THADA: variants seen among roughly 807,000 people sequenced by gnomAD.
The protein encoded by THADA is tRNA (32-2'-O)-methyltransferase regulator THADA.
In THADA, 213 loss-of-function variants were observed where a neutral mutation model predicts 219.8. That is an observed-to-expected ratio of 0.97 (90% CI 0.87 to 1.09). The LOEUF is 1.09. Ranked by LOEUF, THADA falls within the 50% of genes least tolerant of loss-of-function variation. THADA has a pLI of 0.00. For synonymous variants in THADA, 1,018 were observed against 828.9 expected, an observed-to-expected ratio of 1.23 and a Z score of -3.92; for missense variants, 2,956 against 2,311.3, an observed-to-expected ratio of 1.28 and a Z score of -5.72.
intron 20 of THADA, among the ~76,000 whole-genome samples, 179 bp from the exon 21 acceptor site, chr2:43,541,495 ATCAT>A (rs1429598298): frequency 6.6e-6 from 1 of 152,094 alleles, no homozygotes; most frequent in Non-Finnish European, 1.5e-5. Context: ...ATGAGAAGAA[ATCAT>A]GCTAAGTTTT....
At chr2:43,534,549 G>A (rs1323462048) in intron 21 of THADA, among the ~76,000 whole-genome samples, 2 of 152,064 alleles carry the variant, frequency 1.3e-5, no homozygotes, top group African/African-American at 4.8e-5. Context: ...ACTTCCACAT[G>A]TGTGAGAACA....
rs374109478 is a variant in THADA, at chr2:43,590,947, G to C, written c.179C>G (p.Pro60Arg). The C allele has an allele frequency of 9.4e-5, 151 of 1,611,892 alleles. No individual in the cohort carries two copies. The highest frequency in any genetic ancestry group is 1.7e-4 in the Middle Eastern group (1 of 6,048). The change falls in exon 4 of 38, where the codon CCT becomes CGT. Residue 60 changes from proline to arginine, a missense_variant. Transcript: ENST00000405975. ...SQIHYIKQIV[P>R]LLEKADKNGM... Reference sequence around the variant, plus strand: ...ATTTTTATCTGCTTTCTCCAGCAGAGGCACAATCTATAATACAAAACATTG... The same window carrying C: ...ATTTTTATCTGCTTTCTCCAGCAGACGCACAATCTATAATACAAAACATTG...
At chr2:43,525,713 C>A (rs1349580930) in intron 22 of THADA, among the ~76,000 whole-genome samples, 1 of 152,204 alleles carries the variant, frequency 6.6e-6, no homozygotes, top group Non-Finnish European at 1.5e-5. Flanking sequence ...AATCACCCAG[C>A]TGAGCCCTGC....
intron 36 of THADA, among the ~76,000 whole-genome samples, chr2:43,250,460 A>G (rs933499450): frequency 1.3e-5 from 2 of 152,058 alleles, no homozygotes; most frequent in Admixed American, 1.3e-4. Flanking sequence ...TTCTGGAACT[A>G]GATAGTGGTA....
intron 25 of THADA, among the ~76,000 whole-genome samples, chr2:43,495,944 T>C (rs1222506798): frequency 2.0e-5 from 3 of 152,176 alleles, no homozygotes; most frequent in African/African-American, 7.2e-5. Flanking sequence ...ATTCCAGAAG[T>C]GTGTATCTCT....
rs1393243742 is a variant in THADA at position 43,554,554 on chromosome 2, G to A, written c.2674+1791C>T. On this transcript the variant is annotated intron_variant, in intron 17 of 37. Transcript: ENST00000405975. The stretch of plus-strand genomic sequence containing the variant: ...GGAAAAGTAAATGGCTTGTAAACAT[G>A]GGAAAAAATAATTGTATTAGTAATC... Among the ~76,000 whole-genome samples, 5 of 152,134 alleles carry A rather than the reference G, an allele frequency of 3.3e-5. No individual in the cohort carries two copies. The East Asian group carries it at 9.6e-4, about 29-fold the overall frequency.
intron 30 of THADA, among the ~76,000 whole-genome samples, chr2:43,338,583 G>A (rs765933888): frequency 5.9e-5 from 9 of 152,114 alleles, no homozygotes; most frequent in Non-Finnish European, 8.8e-5. Flanking sequence ...ACTACTCTAT[G>A]TACTTTGTAT....
chr2:43,405,027 C>T (rs955236495), intron 28 of THADA, among the ~76,000 whole-genome samples: 2 of 152,216 alleles, frequency 1.3e-5, no homozygotes, highest in African/African-American at 4.8e-5. Context: ...GAAACAGAGC[C>T]TGGCCTGTAC....
chr2:43,573,888 G>C lies in THADA; in HGVS notation c.1729+448C>G, dbSNP rs12614023. On this transcript the variant is annotated intron_variant, in intron 11 of 37. Coordinates refer to ENST00000405975, the MANE Select transcript of THADA (RefSeq NM_022065.5). ...AAATAACTATAGATGGCTATTTCTT[G>C]AGATCATGCCTCTGAATTTTGTCAC... Among the ~76,000 whole-genome samples, 6 of 152,020 alleles carry C rather than the reference G, an allele frequency of 3.9e-5. No homozygotes were observed. The East Asian group carries it at 1.2e-3, about 29-fold the overall frequency.
intron 19 of THADA, 95 bp from the exon 20 acceptor site, chr2:43,549,463 A>C: frequency 8.1e-7 from 1 of 1,242,218 alleles, no homozygotes; most frequent in Non-Finnish European, 1.1e-6. Context: ...ATAATTTTCA[A>C]TACTTAATAA....
At chr2:43,239,731 T>C (rs1422049971) in intron 36 of THADA, among the ~76,000 whole-genome samples, 4 of 152,194 alleles carry the variant, frequency 2.6e-5, no homozygotes, top group Admixed American at 1.3e-4. Context: ...CAAATGGCAA[T>C]GGGTTGAATT....
chr2:43,531,174 A>AT (rs1693817846), intron 21 of THADA, among the ~76,000 whole-genome samples: 1 of 152,246 alleles, frequency 6.6e-6, no homozygotes, highest in Admixed American at 6.5e-5. Flanking sequence ...CATTAGAAGC[A>AT]TAAGTTCCAA....
At chr2:43,578,480 T>G in intron 9 of THADA, 33 bp downstream of exon 9, 1 of 1,535,222 alleles carries the variant, frequency 6.5e-7, no homozygotes, top group African/African-American at 1.4e-5. Flanking sequence ...TAACTCTCAA[T>G]AAAGTACAAT....
chr2:43,456,168 ATTG>A (rs1172160008), intron 26 of THADA, among the ~76,000 whole-genome samples: 1 of 152,224 alleles, frequency 6.6e-6, no homozygotes, highest in Non-Finnish European at 1.5e-5. Flanking sequence ...AAAACTCATC[ATTG>A]TTAAGGCAAA....
intron 19 of THADA, among the ~76,000 whole-genome samples, chr2:43,550,027 C>G (rs1335435831): frequency 6.6e-6 from 1 of 152,148 alleles, no homozygotes; most frequent in Admixed American, 6.5e-5. Context: ...CATTAAGTTT[C>G]ATTTTTATTC....
intron 12 of THADA, among the ~76,000 whole-genome samples, chr2:43,572,168 C>A (rs1699372194): frequency 6.6e-6 from 1 of 152,148 alleles, no homozygotes; most frequent in Non-Finnish European, 1.5e-5. Flanking sequence ...TCACCTCACT[C>A]TTAAATTACT....
chr2:43,575,133 C>A, intron 10 of THADA, 106 bp from the exon 11 acceptor site: 1 of 853,200 alleles, frequency 1.2e-6, no homozygotes, highest in South Asian at 2.3e-5. Flanking sequence ...AGAATGACCA[C>A]AAATTTCAAT....
In THADA at chr2:43,304,450, G is replaced by A. The variant is rs1385138014; in HGVS notation, c.4439-11237C>T. Among the ~76,000 whole-genome samples the A allele has an allele frequency of 3.3e-5, 5 of 152,126 alleles. No homozygotes were observed. The East Asian group carries it at 9.6e-4, about 29-fold the overall frequency. On this transcript the variant is annotated intron_variant, in intron 31 of 37. Coordinates refer to ENST00000405975, the MANE Select transcript of THADA (RefSeq NM_022065.5). ...TATAAGTGCAAATGGCAGTGATACT[G>A]GTCGTGCCACCGTGGAAGGTCATCT...
At chr2:43,311,243 T>C (rs1239883510) in intron 31 of THADA, among the ~76,000 whole-genome samples, 1 of 151,428 alleles carries the variant, frequency 6.6e-6, no homozygotes, top group African/African-American at 2.4e-5. Context: ...TCTTTGAAGA[T>C]ATATAAATGA....
Sources: allele counts gnomAD v4.1 joint callset (sites outside exome capture counted in the v4.1 genomes callset), GRCh38; gene constraint gnomAD v4.1.1; transcripts MANE v1.5; gene names NCBI Gene and HGNC (gene_info 2026-07-23, HGNC 2026-07-21).